Variants in CCDC190 observed in about 807,000 individuals in gnomAD.
The protein encoded by CCDC190 is coiled-coil domain containing 190.
Under a neutral mutation model 13.1 loss-of-function variants are expected in CCDC190, and 10 were observed. The ratio of observed to expected loss-of-function variants is 0.77; its 90% CI spans 0.47 to 1.30. The LOEUF (loss-of-function observed/expected upper bound fraction) is 1.30, where lower values mean the gene tolerates loss of function less well. Among genes scored for constraint, CCDC190 ranks in the 50% most tolerant of loss-of-function variants. CCDC190 has a pLI of 0.00. For synonymous variants in CCDC190, 136 were observed against 127.2 expected, an observed-to-expected ratio of 1.07 and a Z score of -0.47; for missense variants, 375 against 354.3, an observed-to-expected ratio of 1.06 and a Z score of -0.47.
chr1:162,856,729 T>C (rs895501430), intron 2 of CCDC190, among the ~76,000 whole-genome samples: 2 of 152,186 alleles, frequency 1.3e-5, no homozygotes, highest in East Asian at 1.9e-4. Context: ...TATGACCAGA[T>C]AGGGAACCCA....
rs1005332422 is a variant in CCDC190 at position 162,852,225 on chromosome 1, C to T, written c.*2540G>A. 1 of 152,266 alleles carries T rather than the reference C, an allele frequency of 6.6e-6. No homozygotes were observed. Among genetic ancestry groups the T allele is most frequent in the South Asian group, 2.1e-4 (1 of 4,836 alleles). 9.4% of individuals were successfully genotyped at this position (152,266 alleles called of 1,614,324 possible). ...CTAGACTCCAGTGGCAGCCCCCTCA[C>T]CTCAGTTATGACAACCAGAAATATC... On this transcript the variant is annotated 3_prime_UTR_variant, in exon 4 of 4. Transcript: ENST00000367912.
intron 1 of CCDC190, among the ~76,000 whole-genome samples, chr1:162,867,389 C>G (rs1049425059): frequency 4.6e-5 from 7 of 151,846 alleles, no homozygotes; most frequent in African/African-American, 1.7e-4. Flanking sequence ...ACGAGGTAAC[C>G]CTTTTTACCG....
upstream of CCDC190, among the ~76,000 whole-genome samples, chr1:162,865,283 A>G (rs1650656008): frequency 6.6e-6 from 1 of 152,198 alleles, no homozygotes. Flanking sequence ...ACAAACCCAC[A>G]GCTATTGTCA....
chr1:162,858,285 G>T (rs922028722), intron 2 of CCDC190, among the ~76,000 whole-genome samples: 10 of 152,314 alleles, frequency 6.6e-5, no homozygotes, highest in African/African-American at 1.9e-4. Flanking sequence ...ACTTACTAGG[G>T]CCTGGCCTTT....
Position 162,852,792 on chromosome 1 carries a change from TC to T in CCDC190, c.*1972del. On this transcript the variant is annotated 3_prime_UTR_variant, in exon 4 of 4. Transcript: ENST00000367912. ...TCCCTCCTGCCTTGTGATGGCCCCTTCCCGCTGTGAGAGCTAGTACAGTGAA... is the reference window on the plus strand; with the variant it reads ...TCCCTCCTGCCTTGTGATGGCCCCTTCCGCTGTGAGAGCTAGTACAGTGAA... 4.0e-6 allele frequency: 1 copy of T among 249,082 alleles called. No individual in the cohort carries two copies. Among genetic ancestry groups the T allele is most frequent in the Non-Finnish European group, 7.8e-6 (1 of 128,636 alleles). The allele number at this position is 249,082 out of a possible 1,614,324, so 15.4% of individuals were successfully genotyped here.
chr1:162,867,385 T>C (rs1053690221), intron 1 of CCDC190, among the ~76,000 whole-genome samples: 6 of 152,160 alleles, frequency 3.9e-5, no homozygotes, highest in Admixed American at 3.3e-4. Context: ...AACAACGAGG[T>C]AACCCTTTTT....
chr1:162,855,487 G>T, intron 3 of CCDC190, 128 bp from the exon 4 acceptor site: 2 of 1,456,676 alleles, frequency 1.4e-6, no homozygotes, highest in East Asian at 4.5e-5. Flanking sequence ...ATGGGGTGGA[G>T]GGTGAAACTG....
upstream of CCDC190, among the ~76,000 whole-genome samples, chr1:162,864,659 C>A (rs2102265707): frequency 1.3e-5 from 2 of 152,010 alleles, no homozygotes; most frequent in South Asian, 4.1e-4. Flanking sequence ...ATATTTGCAG[C>A]ATTATAATAT....
rs1571035031 is a variant in CCDC190 at position 162,851,696 on chromosome 1, G to A, written c.*3069C>T. On this transcript the variant is annotated 3_prime_UTR_variant, in exon 4 of 4. Coordinates refer to ENST00000367912, the MANE Select transcript of CCDC190 (RefSeq NM_001394065.1). ...GTCAAAAGCCCCTTCTTCCTCATGGGGGAGGAAATGGGGAAGGGATCATCT... is the reference window on the plus strand; with the variant it reads ...GTCAAAAGCCCCTTCTTCCTCATGGAGGAGGAAATGGGGAAGGGATCATCT... 1 of 152,120 alleles carries A rather than the reference G, an allele frequency of 6.6e-6. No homozygotes were observed. The highest frequency in any genetic ancestry group is 1.9e-4 in the East Asian group (1 of 5,186). 9.4% of individuals were successfully genotyped at this position (152,120 alleles called of 1,614,324 possible).
At chr1:162,868,278 T>C (rs962046198) in intron 1 of CCDC190, among the ~76,000 whole-genome samples, 2 of 152,116 alleles carry the variant, frequency 1.3e-5, no homozygotes, top group African/African-American at 2.4e-5. Flanking sequence ...TAAATGAAGA[T>C]TGAATGTATA....
At chr1:162,859,195 G>A (rs1038233079) in intron 2 of CCDC190, among the ~76,000 whole-genome samples, 3 of 152,218 alleles carry the variant, frequency 2.0e-5, no homozygotes, top group Admixed American at 6.5e-5. Flanking sequence ...AAGGATTTAA[G>A]CAAGAAAGAG....
In CCDC190 at chr1:162,854,851, C is replaced by G. The variant is rs1209257606; in HGVS notation, c.820G>C (p.Glu274Gln). 6.2e-7 allele frequency: 1 copy of G among 1,613,916 alleles called. No homozygotes were observed. The highest frequency in any genetic ancestry group is 1.7e-5 in the Admixed American group (1 of 60,010). The change falls in exon 4 of 4, where the codon GAG becomes CAG. Residue 274 changes from glutamate (E) to glutamine (Q), a missense_variant. By Grantham distance (29) the Glu-to-Gln change is conservative (BLOSUM62 2). Coordinates refer to ENST00000367912, the MANE Select transcript of CCDC190 (RefSeq NM_001394065.1). ...PESERLLSIG[E>Q]IFGHGESSSS... is the part of the protein sequence containing the mutation. The stretch of plus-strand genomic sequence containing the variant: ...GAGGATTCCCCATGCCCAAATATCT[C>G]TCCAATGCTAAGCAACCTCTCAGAC...
At chr1:162,857,631 C>T (rs1650350124) in intron 2 of CCDC190, among the ~76,000 whole-genome samples, 1 of 152,186 alleles carries the variant, frequency 6.6e-6, no homozygotes, top group Non-Finnish European at 1.5e-5. Flanking sequence ...CCCTTTCCCC[C>T]ATTTTCCTCC....
chr1:162,861,141 C>A lies in CCDC190; in HGVS notation c.-146G>T, dbSNP rs1487989887. On this transcript the variant is annotated 5_prime_UTR_variant, in exon 1 of 4. Coordinates refer to ENST00000367912, the MANE Select transcript of CCDC190 (RefSeq NM_001394065.1). ...TGTTTGGAGAAAGGATAGAGGGAGACCATTGGAGAGGGCTGCGAGGAGAAT... is the reference window on the plus strand; with the variant it reads ...TGTTTGGAGAAAGGATAGAGGGAGAACATTGGAGAGGGCTGCGAGGAGAAT... 2 of 384,092 alleles carry A rather than the reference C, an allele frequency of 5.2e-6. No individual in the cohort carries two copies. Among genetic ancestry groups the A allele is most frequent in the Non-Finnish European group, 7.1e-6 (2 of 280,698 alleles). 23.8% of individuals were successfully genotyped at this position (384,092 alleles called of 1,614,324 possible).
intron 1 of CCDC190, among the ~76,000 whole-genome samples, chr1:162,868,192 G>T (rs1342595551): frequency 4.6e-5 from 7 of 152,160 alleles, no homozygotes; most frequent in Admixed American, 4.6e-4. Flanking sequence ...GAAGCAGAAA[G>T]AAATGTTTCT....
chr1:162,858,457 T>C lies in CCDC190; in HGVS notation c.187+1003A>G, dbSNP rs1650386378. ...ACAGGGAAATTGAAAGCAGAGGACT[T>C]CAGTTAGTTACTCAGAGTATCTTTC... is the stretch of plus-strand genomic sequence containing the variant. On this transcript the variant is annotated intron_variant, in intron 2 of 3. Transcript: ENST00000367912. 2.0e-5 allele frequency among the ~76,000 whole-genome samples: 3 copies of C among 152,206 alleles called. No homozygotes were observed. The South Asian group carries it at 6.2e-4, about 32-fold the overall frequency.
Position 162,854,405 on chromosome 1 carries a change from A to C in CCDC190, c.*360T>G. ...TCAAACTAAAACAGAGAGAATAGCTATGCCGTTTTGCCAGCAGGTGGCACC... is the reference window on the plus strand; with the variant it reads ...TCAAACTAAAACAGAGAGAATAGCTCTGCCGTTTTGCCAGCAGGTGGCACC... On this transcript the variant is annotated 3_prime_UTR_variant, in exon 4 of 4. Coordinates refer to ENST00000367912, the MANE Select transcript of CCDC190 (RefSeq NM_001394065.1). 1 of 1,044,438 alleles carries C rather than the reference A, an allele frequency of 9.6e-7. No individual in the cohort carries two copies. The highest frequency in any genetic ancestry group is 3.7e-5 in the South Asian group (1 of 27,124). The allele number at this position is 1,044,438 out of a possible 1,614,324, so 64.7% of individuals were successfully genotyped here.
chr1:162,858,948 T>C (rs1454675158), intron 2 of CCDC190, among the ~76,000 whole-genome samples: 1 of 152,206 alleles, frequency 6.6e-6, no homozygotes, highest in African/African-American at 2.4e-5. Flanking sequence ...AATACTTTTA[T>C]TTTACATTGG....
In CCDC190 at chr1:162,855,616, G is replaced by A. The variant is rs769453631; in HGVS notation, c.311+16C>T. The A allele has an allele frequency of 6.2e-7, 1 of 1,612,544 alleles. No individual in the cohort carries two copies. Among genetic ancestry groups the A allele is most frequent in the Non-Finnish European group, 8.5e-7 (1 of 1,179,388 alleles). ...ACTTAATGTCATACCCATGGGTTTA[G>A]TAATCCATTTCTTACCTCATTTTCT... On this transcript the variant is annotated intron_variant, in intron 3 of 3. Transcript: ENST00000367912.
Sources: gnomAD v4.1 joint callset for allele counts (sites outside exome capture counted in the v4.1 genomes callset) on GRCh38, gnomAD v4.1.1 for gene constraint, MANE v1.5 for transcripts, NCBI Gene and HGNC (gene_info 2026-07-23, HGNC 2026-07-21) for gene names.